FSTL4: variants seen among roughly 807,000 people sequenced by gnomAD.
The protein encoded by FSTL4 is follistatin-related protein 4.
FSTL4 carries 28 observed loss-of-function variants against 78.2 expected under a neutral mutation model. That is an observed-to-expected ratio of 0.36 (90% CI 0.27 to 0.49). FSTL4 has a LOEUF of 0.49. Ranked by LOEUF, FSTL4 falls within the 20% of genes least tolerant of loss-of-function variation. FSTL4 has a pLI of 0.98. For synonymous variants in FSTL4, 422 were observed against 440.5 expected (o/e 0.96, Z 0.53); for missense variants, 922 against 1,084.9 (o/e 0.85, Z 2.11).
chr5:133,256,328 C>T (rs1016021655), intron 6 of FSTL4, among the ~76,000 whole-genome samples: 2 of 152,204 alleles, frequency 1.3e-5, no homozygotes, highest in African/African-American at 2.4e-5. Context: ...GAAGCTGGGG[C>T]ATTGGAGTGA....
chr5:133,442,526 C>T (rs1327183397), intron 3 of FSTL4, among the ~76,000 whole-genome samples: 3 of 152,170 alleles, frequency 2.0e-5, no homozygotes, highest in Non-Finnish European at 4.4e-5. Flanking sequence ...AAAAAATCCT[C>T]ATCCGTTTTT....
At chr5:133,718,320 C>A in the FSTL4 span, among the ~76,000 whole-genome samples, 1 of 152,140 alleles carries the variant, frequency 6.6e-6, no homozygotes, top group Non-Finnish European at 1.5e-5. Flanking sequence ...ATCTCGTGAT[C>A]CGCCTGCCTC....
At chr5:133,329,400 GAT>G (rs374897295) in intron 4 of FSTL4, among the ~76,000 whole-genome samples, 2,409 of 151,740 alleles carry the variant, frequency 0.016, 56 homozygotes, top group African/African-American at 0.05. Flanking sequence ...GAGAGAGAGA[GAT>G]ATATATATAT....
intron 3 of FSTL4, among the ~76,000 whole-genome samples, chr5:133,428,262 G>A (rs969820512): frequency 1.3e-5 from 2 of 152,202 alleles, no homozygotes; most frequent in East Asian, 3.8e-4. Flanking sequence ...GACAGATGAT[G>A]TAATCTGTCA....
At position 133,224,199 on chromosome 5, in the gene FSTL4, G is replaced by A. The variant is rs1167389860; in HGVS notation, c.1330C>T (p.Arg444Ter). 3 of 1,612,176 alleles carry A rather than the reference G, an allele frequency of 1.9e-6. No individual in the cohort carries two copies. The highest frequency in any genetic ancestry group is 1.3e-5 in the African/African-American group (1 of 74,856). ...CAATGAAGCTTGGTACCTTCCTCTC[G>A]CCACAGGATGTTTGCAACTGCAGCA... Reference protein sequence around the residue: ...ARKTLANILWREEGLSVGNMF... With the variant: ...ARKTLANILW Residue 444 changes from arginine to a stop codon, truncating the protein, a stop_gained, in exon 11 of 16, where the codon CGA becomes TGA. Transcript: ENST00000265342. LOFTEE classifies it high-confidence loss of function.
the FSTL4 span, among the ~76,000 whole-genome samples, chr5:133,652,224 A>G: frequency 2.0e-5 from 3 of 151,876 alleles, no homozygotes; most frequent in South Asian, 2.1e-4. Flanking sequence ...GATTTTCCCC[A>G]TTGATTTTCT....
chr5:133,380,503 C>G (rs1350998686), intron 4 of FSTL4, among the ~76,000 whole-genome samples: 1 of 151,856 alleles, frequency 6.6e-6, no homozygotes, highest in African/African-American at 2.4e-5. Context: ...AATAAGAAAA[C>G]TATATAAGTA....
chr5:133,504,763 T>G (rs1407803133), intron 3 of FSTL4, among the ~76,000 whole-genome samples: 2 of 152,240 alleles, frequency 1.3e-5, no homozygotes, highest in African/African-American at 4.8e-5. Context: ...CTCTTGGCCT[T>G]CATGCCACTT....
At chr5:133,522,084 C>T (rs1758993055) in intron 3 of FSTL4, among the ~76,000 whole-genome samples, 1 of 152,164 alleles carries the variant, frequency 6.6e-6, no homozygotes, top group African/African-American at 2.4e-5. Context: ...CCCACAGTGA[C>T]ATATAGCTGT....
the FSTL4 span, among the ~76,000 whole-genome samples, chr5:133,672,816 C>T: frequency 6.6e-6 from 1 of 152,170 alleles, no homozygotes; most frequent in African/African-American, 2.4e-5. Flanking sequence ...AAATCTGAGA[C>T]AGATTTCAGT....
chr5:133,324,222 C>T (rs1450076067), intron 4 of FSTL4, among the ~76,000 whole-genome samples: 2 of 152,152 alleles, frequency 1.3e-5, no homozygotes, highest in East Asian at 1.9e-4. Flanking sequence ...CTGTAAAAGG[C>T]GTGGGTGGGG....
At chr5:133,389,105 T>C (rs886759609) in intron 4 of FSTL4, among the ~76,000 whole-genome samples, 1 of 152,362 alleles carries the variant, frequency 6.6e-6, no homozygotes, top group East Asian at 1.9e-4. Context: ...TTTTCTTGCA[T>C]TGGGAGTAGA....
chr5:133,626,386 A>T, the FSTL4 span, among the ~76,000 whole-genome samples: 11 of 132,098 alleles, frequency 8.3e-5, no homozygotes, highest in South Asian at 1.4e-3. Context: ...TGTGTGTGTG[A>T]CAAAGACAGG....
the FSTL4 span, among the ~76,000 whole-genome samples, chr5:133,693,700 A>G: frequency 6.6e-6 from 1 of 152,230 alleles, no homozygotes; most frequent in Non-Finnish European, 1.5e-5. Flanking sequence ...TATGAACAAT[A>G]GAAGTTTATT....
intron 3 of FSTL4, among the ~76,000 whole-genome samples, chr5:133,533,546 A>G (rs562988876): frequency 2.6e-5 from 4 of 152,266 alleles, no homozygotes; most frequent in African/African-American, 9.6e-5. Context: ...ATGCCTGGCC[A>G]GTAAGTTTAT....
the FSTL4 span, among the ~76,000 whole-genome samples, chr5:133,779,617 A>G: frequency 3.9e-5 from 6 of 152,114 alleles, no homozygotes; most frequent in Admixed American, 6.5e-5. Context: ...AACAAAATAA[A>G]ATAAGTGATG....
chr5:133,259,468 T>G (rs977756658), intron 6 of FSTL4, among the ~76,000 whole-genome samples: 7 of 151,248 alleles, frequency 4.6e-5, no homozygotes, highest in African/African-American at 1.7e-4. Flanking sequence ...AGGTAAGGAC[T>G]GATGGCTGTA....
chr5:133,693,432 C>T, the FSTL4 span, among the ~76,000 whole-genome samples: 1 of 152,142 alleles, frequency 6.6e-6, no homozygotes. Flanking sequence ...CCCTATGCAT[C>T]TCCTGAGGAA....
At chr5:133,597,273 G>A (rs1483240930) in intron 2 of FSTL4, among the ~76,000 whole-genome samples, 1 of 152,196 alleles carries the variant, frequency 6.6e-6, no homozygotes, top group Admixed American at 6.5e-5. Flanking sequence ...GAGCCTGCCT[G>A]ACACAAGGAC....
Sources: gnomAD v4.1 joint callset for allele counts (sites outside exome capture counted in the v4.1 genomes callset) on GRCh38, gnomAD v4.1.1 for gene constraint, MANE v1.5 for transcripts, NCBI Gene and HGNC (gene_info 2026-07-23, HGNC 2026-07-21) for gene names.